CYB5R4: variants seen among roughly 807,000 people sequenced by gnomAD.
CYB5R4 encodes the protein cytochrome b5 reductase 4, also known as N-terminal cytochrome b5 and cytochrome b5 oxidoreductase domain-containing protein.
A neutral mutation model predicts 70.2 loss-of-function variants in CYB5R4; 55 were observed. The observed-to-expected ratio is 0.78, with a 90% CI of 0.63 to 0.98. The LOEUF is 0.98. Among genes scored for constraint, CYB5R4 ranks in the 50% least tolerant of loss-of-function variants. CYB5R4 has a pLI of 0.00. For missense variants in CYB5R4, 562 were observed against 612.6 expected (o/e 0.92, Z 0.87); for synonymous variants, 197 against 199.5 (o/e 0.99, Z 0.11).
intron 2 of CYB5R4, among the ~76,000 whole-genome samples, chr6:83,867,203 G>A (rs2099456865): frequency 6.6e-6 from 1 of 152,180 alleles, no homozygotes; most frequent in African/African-American, 2.4e-5. Context: ...TGCTTTTGTG[G>A]TAGAGATAAG....
chr6:83,874,441 A>G (rs777125816), intron 2 of CYB5R4, among the ~76,000 whole-genome samples: 2 of 151,294 alleles, frequency 1.3e-5, no homozygotes, highest in South Asian at 2.1e-4. Context: ...GCCTCAAGCA[A>G]TCCTCCTGCC....
chr6:83,865,393 A>C (rs927933113), intron 2 of CYB5R4, among the ~76,000 whole-genome samples: 1 of 152,186 alleles, frequency 6.6e-6, no homozygotes, highest in Non-Finnish European at 1.5e-5. Flanking sequence ...TGATGGCTAG[A>C]AGTCTGTGAT....
At chr6:83,938,732 C>T (rs1220695877) in intron 12 of CYB5R4, among the ~76,000 whole-genome samples, 2 of 152,194 alleles carry the variant, frequency 1.3e-5, no homozygotes, top group African/African-American at 2.4e-5. Flanking sequence ...CAAGTTAATA[C>T]TCTCCTCTGA....
intron 15 of CYB5R4, among the ~76,000 whole-genome samples, chr6:83,958,052 A>G (rs1399502335): frequency 6.6e-6 from 1 of 152,206 alleles, no homozygotes; most frequent in African/African-American, 2.4e-5. Context: ...CATGTCTGCT[A>G]CATAGATTAT....
chr6:83,902,613 T>C (rs1366861171), intron 3 of CYB5R4, among the ~76,000 whole-genome samples: 2 of 152,164 alleles, frequency 1.3e-5, no homozygotes, highest in Admixed American at 6.5e-5. Context: ...CTTTGGGCTG[T>C]ATGTTCCTTC....
At chr6:83,948,830 G>GC (rs1410511484) in intron 14 of CYB5R4, among the ~76,000 whole-genome samples, 1 of 151,888 alleles carries the variant, frequency 6.6e-6, no homozygotes, top group Non-Finnish European at 1.5e-5. Context: ...ATGAGGAAAG[G>GC]CCCCTTTTTT....
intron 3 of CYB5R4, among the ~76,000 whole-genome samples, chr6:83,906,640 T>C (rs1475536195): frequency 6.6e-6 from 1 of 152,212 alleles, no homozygotes; most frequent in Non-Finnish European, 1.5e-5. Context: ...CATTTCTTGC[T>C]TTAGGTATCT....
intron 4 of CYB5R4, among the ~76,000 whole-genome samples, chr6:83,911,732 A>G (rs1335272004): frequency 6.6e-6 from 1 of 152,100 alleles, no homozygotes; most frequent in African/African-American, 2.4e-5. Context: ...CCTCTTTTAC[A>G]GCCACACGCA....
intron 14 of CYB5R4, among the ~76,000 whole-genome samples, chr6:83,944,285 A>G (rs899681670): frequency 6.6e-6 from 1 of 152,222 alleles, no homozygotes; most frequent in African/African-American, 2.4e-5. Context: ...AATATTCTAC[A>G]TTCTTAAAGA....
rs571198734 is a variant in CYB5R4, at chr6:83,897,165, G to GT, written c.330+3549dup. Among the ~76,000 whole-genome samples, 269 of 151,886 alleles carry GT rather than the reference G, an allele frequency of 1.8e-3. 1 individual carries two copies. The highest frequency in any genetic ancestry group is 0.01 in the Middle Eastern group (3 of 294). ...TATGAGTGAGAACATGCGGTGTTTG[G>GT]TTTTTTGTCCTTGCGATAGTTTGCT... On this transcript the variant is annotated intron_variant, in intron 3 of 15. Transcript: ENST00000369681.
chr6:83,893,212 A>C (rs2099461400), intron 2 of CYB5R4, among the ~76,000 whole-genome samples: 1 of 152,210 alleles, frequency 6.6e-6, no homozygotes, highest in African/African-American at 2.4e-5. Context: ...CTAGTGAATT[A>C]GAGTTCAGTG....
intron 3 of CYB5R4, among the ~76,000 whole-genome samples, chr6:83,899,541 T>C (rs982373518): frequency 2.6e-5 from 4 of 152,212 alleles, no homozygotes; most frequent in Admixed American, 2.6e-4. Flanking sequence ...GAAGGAATAG[T>C]ACCAGCTCCT....
chr6:83,913,107 A>C (rs952605027), intron 4 of CYB5R4, among the ~76,000 whole-genome samples: 1 of 152,226 alleles, frequency 6.6e-6, no homozygotes, highest in Non-Finnish European at 1.5e-5. Context: ...TTGTACACTG[A>C]AAATAGATAC....
chr6:83,959,702 A>G, intron 15 of CYB5R4, 122 bp from the exon 16 acceptor site: 1 of 832,964 alleles, frequency 1.2e-6, no homozygotes, highest in Middle Eastern at 3.2e-4. Context: ...TTTTATTTAA[A>G]AAAAACTACA....
rs201923387 is a variant in CYB5R4, at chr6:83,883,775, TA to T, written c.230-9741del. ...CCTCTTCATTTTATAAAAATACATA[TA>T]AAAAATACATGACTTTAAAAGTTAT... On this transcript the variant is annotated intron_variant, in intron 2 of 15. Transcript: ENST00000369681. 9.6e-3 allele frequency among the ~76,000 whole-genome samples: 1,462 copies of T among 152,126 alleles called. 14 individuals carry two copies. Among genetic ancestry groups the T allele is most frequent in the Middle Eastern group, 0.024 (7 of 294 alleles).
chr6:83,951,366 A>C (rs1055786328), intron 14 of CYB5R4, among the ~76,000 whole-genome samples: 12 of 152,168 alleles, frequency 7.9e-5, no homozygotes, highest in Non-Finnish European at 1.8e-4. Flanking sequence ...TACGTGTACC[A>C]TGGTGGTTTG....
Position 83,864,302 on chromosome 6 carries a change from A to G in CYB5R4, c.203A>G (p.Lys68Arg). Residue 68 changes from lysine to arginine, a missense_variant, in exon 2 of 16, where the codon AAA (lysine) becomes AGA (arginine). Coordinates refer to ENST00000369681, the MANE Select transcript of CYB5R4 (RefSeq NM_016230.4). ...TEEELKKHNK[K>R]DDCWICIRGF... ...GAAGAACTTAAGAAACACAACAAAA[A>G]AGATGATTGTTGGATATGCATAAGA... 2 of 1,612,734 alleles carry G rather than the reference A, an allele frequency of 1.2e-6. No homozygotes were observed. Among genetic ancestry groups the G allele is most frequent in the Non-Finnish European group, 1.7e-6 (2 of 1,179,434 alleles).
intron 10 of CYB5R4, among the ~76,000 whole-genome samples, chr6:83,933,127 G>C (rs1276354337): frequency 6.6e-6 from 1 of 152,140 alleles, no homozygotes; most frequent in East Asian, 1.9e-4. Flanking sequence ...ATTTCTCCTT[G>C]TGCATGGGCC....
At chr6:83,869,228 T>G (rs2099457196) in intron 2 of CYB5R4, among the ~76,000 whole-genome samples, 1 of 152,222 alleles carries the variant, frequency 6.6e-6, no homozygotes, top group African/African-American at 2.4e-5. Context: ...CTGTTATATT[T>G]CCATTGCAGT....
Sources: allele counts gnomAD v4.1 joint callset (sites outside exome capture counted in the v4.1 genomes callset), GRCh38; gene constraint gnomAD v4.1.1; transcripts MANE v1.5; gene names NCBI Gene and HGNC (gene_info 2026-07-23, HGNC 2026-07-21).